ARGFX: variants seen among roughly 807,000 people sequenced by gnomAD.
The protein encoded by ARGFX is arginine-fifty homeobox.
Under a neutral mutation model 8.0 loss-of-function variants are expected in ARGFX, and 10 were observed. The ratio of observed to expected loss-of-function variants is 1.25; its 90% CI spans 0.77 to 2.12. ARGFX has a LOEUF of 2.12. ARGFX is among the 30% of genes most tolerant of loss of function. ARGFX has a pLI of 0.00. For missense variants in ARGFX, 282 were observed against 324.3 expected, an observed-to-expected ratio of 0.87 and a Z score of 1.00; for synonymous variants, 116 against 117.8, an observed-to-expected ratio of 0.98 and a Z score of 0.10.
At chr3:121,578,117 C>G (rs566114777) in intron 3 of ARGFX, among the ~76,000 whole-genome samples, 36 of 133,386 alleles carry the variant, frequency 2.7e-4, no homozygotes, top group Non-Finnish European at 5.3e-4. Flanking sequence ...TCCCCCTACC[C>G]CACTTTTTTT....
In ARGFX at chr3:121,586,603, A is replaced by T; in HGVS notation, c.*3A>T. 6.2e-7 allele frequency: 1 copy of T among 1,607,180 alleles called. No individual in the cohort carries two copies. The highest frequency in any genetic ancestry group is 8.5e-7 in the Non-Finnish European group (1 of 1,176,224). ...TGGTAGACTTGGGATTTCTCTGACC[A>T]GAGTACTAATAAATATAGATCATTT... is the stretch of plus-strand genomic sequence containing the variant. On this transcript the variant is annotated 3_prime_UTR_variant, in exon 5 of 5. Transcript: ENST00000334384.
chr3:121,588,494 A>C lies in ARGFX; in HGVS notation c.*1894A>C, dbSNP rs2048826811. 6.7e-6 allele frequency among the ~76,000 whole-genome samples: 1 copy of C among 150,312 alleles called. No individual in the cohort carries two copies. The highest frequency in any genetic ancestry group is 2.4e-5 in the African/African-American group (1 of 41,260). ...CTCTGTCTCAAAAAAAAAATAAAAA[A>C]TAAAAAATAAAAAATAAAAGAAACA... On this transcript the variant is annotated 3_prime_UTR_variant, in exon 5 of 5. Transcript: ENST00000334384.
At chr3:121,580,833 C>G (rs951481072) in intron 3 of ARGFX, among the ~76,000 whole-genome samples, 1 of 151,564 alleles carries the variant, frequency 6.6e-6, no homozygotes, top group Non-Finnish European at 1.5e-5. Flanking sequence ...AATACAGAAG[C>G]AAGCTAATGA....
chr3:121,585,319 C>A (rs1290894719), intron 4 of ARGFX, among the ~76,000 whole-genome samples: 1 of 152,068 alleles, frequency 6.6e-6, no homozygotes, highest in Non-Finnish European at 1.5e-5. Context: ...AGAACTAAAA[C>A]CCCAGAAATC....
At chr3:121,584,856 G>T in intron 3 of ARGFX, 61 bp from the exon 4 acceptor site, 2 of 1,549,496 alleles carry the variant, frequency 1.3e-6, no homozygotes, top group Non-Finnish European at 1.7e-6. Context: ...TTGTTTTTTT[G>T]GTTGGGGGGA....
intron 3 of ARGFX, among the ~76,000 whole-genome samples, chr3:121,584,240 A>AAGGG (rs2048797669): frequency 6.6e-6 from 1 of 150,654 alleles, no homozygotes; most frequent in African/African-American, 2.4e-5. Context: ...GGAAGGAAGG[A>AAGGG]AGGAAGGAAG....
At chr3:121,579,155 C>T (rs1284399477) in intron 3 of ARGFX, among the ~76,000 whole-genome samples, 2 of 152,148 alleles carry the variant, frequency 1.3e-5, no homozygotes, top group Non-Finnish European at 2.9e-5. Context: ...AAGAAATGCG[C>T]CCCACATGGA....
intron 1 of ARGFX, among the ~76,000 whole-genome samples, chr3:121,569,169 C>T (rs2048691867): frequency 6.6e-6 from 1 of 152,146 alleles, no homozygotes; most frequent in Admixed American, 6.5e-5. Flanking sequence ...GCAGAATTCT[C>T]TCCTGCTTTT....
chr3:121,569,646 G>T (rs759958857), intron 1 of ARGFX, among the ~76,000 whole-genome samples: 20 of 152,156 alleles, frequency 1.3e-4, no homozygotes, highest in Non-Finnish European at 2.2e-4. Flanking sequence ...GATTACAGGC[G>T]TGAGCCACCA....
rs374864009 is a variant in ARGFX at position 121,589,041 on chromosome 3, G to A, written c.*2441G>A. 6.6e-5 allele frequency among the ~76,000 whole-genome samples: 10 copies of A among 152,058 alleles called. No individual in the cohort carries two copies. The highest frequency in any genetic ancestry group is 2.0e-4 in the Admixed American group (3 of 15,260). On this transcript the variant is annotated 3_prime_UTR_variant, in exon 5 of 5. Transcript: ENST00000334384. ...AAATAAAAAATTAGCTGGGCATGAC[G>A]GCCAGAGCCCATGGTCCCAGCTACT...
rs1414827075 is a variant in ARGFX, at chr3:121,580,604, A to ATTTTTT, written c.220+3705_220+3706insTTTTTT. Among the ~76,000 whole-genome samples, 35 of 96,276 alleles carry ATTTTTT rather than the reference A, an allele frequency of 3.6e-4. No individual in the cohort carries two copies. In the East Asian group the frequency reaches 5.3e-3, roughly 15 times the overall value. 63.2% of individuals were successfully genotyped at this position (96,276 alleles called of 152,430 possible). A position where few individuals can be genotyped will look rare whatever the true frequency, so the allele number is the denominator to read the frequency against. ...TGTGTGTGTGTGTGTGTATATATAT[A>ATTTTTT]TATTTTTTTTTTTTTTTTGAGATGA... On this transcript the variant is annotated intron_variant, in intron 3 of 4. Transcript: ENST00000334384.
rs772768849 is a variant in ARGFX at position 121,586,519 on chromosome 3, C to CT, written c.867_868insT (p.Gln290SerfsTer4). The CT allele has an allele frequency of 4.3e-6, 7 of 1,614,150 alleles. No individual in the cohort carries two copies. The African/African-American group carries it at 9.3e-5, about 22-fold the overall frequency. ...CACAAACCTGGCCCAATATGACAAG[C>CT]CAAGCCTTTGAAGCCTACAGTCTAA... On this transcript the variant is annotated frameshift_variant, in exon 5 of 5. Coordinates refer to ENST00000334384, the MANE Select transcript of ARGFX (RefSeq NM_001012659.2). LOFTEE classifies it low-confidence loss of function (END_TRUNC).
At chr3:121,579,848 C>A (rs1464433099) in intron 3 of ARGFX, among the ~76,000 whole-genome samples, 1 of 152,010 alleles carries the variant, frequency 6.6e-6, no homozygotes, top group African/African-American at 2.4e-5. Context: ...CTTGGCATCC[C>A]AAAGTGCTGG....
chr3:121,571,917 C>T (rs1287453085), intron 2 of ARGFX, among the ~76,000 whole-genome samples: 1 of 151,728 alleles, frequency 6.6e-6, no homozygotes, highest in Non-Finnish European at 1.5e-5. Flanking sequence ...CAACCTCCGT[C>T]TCCCAGGTTC....
chr3:121,584,843 T>A, intron 3 of ARGFX, 74 bp from the exon 4 acceptor site: 1 of 1,527,864 alleles, frequency 6.5e-7, no homozygotes, highest in South Asian at 1.3e-5. Context: ...TGTTTTTTGG[T>A]TTTTGTTTTT....
intron 3 of ARGFX, among the ~76,000 whole-genome samples, chr3:121,583,860 A>G (rs2048795034): frequency 6.6e-6 from 1 of 152,082 alleles, no homozygotes; most frequent in Admixed American, 6.6e-5. Flanking sequence ...AGTAGTGAAT[A>G]GAGCCTCAGA....
chr3:121,568,722 G>C (rs2048688441), intron 1 of ARGFX, among the ~76,000 whole-genome samples: 1 of 152,176 alleles, frequency 6.6e-6, no homozygotes. Flanking sequence ...TGTTTGTCGA[G>C]GATCACATGA....
At position 121,589,107 on chromosome 3, in the gene ARGFX, C is replaced by T. The variant is rs2048831180; in HGVS notation, c.*2507C>T. 6.6e-6 allele frequency among the ~76,000 whole-genome samples: 1 copy of T among 151,962 alleles called. No homozygotes were observed. The highest frequency in any genetic ancestry group is 1.5e-5 in the Non-Finnish European group (1 of 67,984). ...AGAGCATCCCTTGAGCCACAGAGGT[C>T]GAGGCTGCAGTGAGCTGTGACTGTG... On this transcript the variant is annotated 3_prime_UTR_variant, in exon 5 of 5. Coordinates refer to ENST00000334384, the MANE Select transcript of ARGFX (RefSeq NM_001012659.2).
At chr3:121,568,889 T>G (rs1313893890) in intron 1 of ARGFX, among the ~76,000 whole-genome samples, 2 of 152,214 alleles carry the variant, frequency 1.3e-5, no homozygotes, top group East Asian at 3.8e-4. Context: ...GGCCATCTGT[T>G]GTTATTGCTG....
Sources: allele counts gnomAD v4.1 joint callset (sites outside exome capture counted in the v4.1 genomes callset), GRCh38; gene constraint gnomAD v4.1.1; transcripts MANE v1.5; gene names NCBI Gene and HGNC (gene_info 2026-07-23, HGNC 2026-07-21).